Variants in ITPK1 observed in about 807,000 individuals in gnomAD.
ITPK1 encodes inositol-tetrakisphosphate 1-kinase.
Under a neutral mutation model 45.3 loss-of-function variants are expected in ITPK1, and 21 were observed. That is an observed-to-expected ratio of 0.46 (90% CI 0.33 to 0.67). ITPK1 has a LOEUF of 0.67. ITPK1 is among the 30% of genes least tolerant of loss of function. The probability of loss-of-function intolerance (pLI) is 0.02; values close to 1 mark genes in which losing one functional copy is unlikely to be tolerated. For missense variants in ITPK1, 474 were observed against 573.5 expected (o/e 0.83, Z 1.77); for synonymous variants, 258 against 253.6 (o/e 1.02, Z -0.16).
chr14:92,958,122 G>A lies in ITPK1; in HGVS notation c.670+79C>T, dbSNP rs1172495680. The A allele has an allele frequency of 1.6e-5, 23 of 1,433,576 alleles. 1 individual carries two copies. The highest frequency in any genetic ancestry group is 7.1e-5 in the South Asian group (6 of 85,032). The allele number at this position is 1,433,576 out of a possible 1,614,324, so 88.8% of individuals were successfully genotyped here. On this transcript the variant is annotated intron_variant, in intron 8 of 10. Coordinates refer to ENST00000267615, the MANE Select transcript of ITPK1 (RefSeq NM_014216.6). This position sits in a 1 kb window ranked among gnomAD's most constrained non-coding sequence, Gnocchi z 4.4. ...AACACAGGGTGGTTGGGGCAGTGCC[G>A]AAGGACAGACAGCTGCTGCCACATC...
Position 92,963,173 on chromosome 14 carries a change from G to A in ITPK1, c.365-324C>T, listed in dbSNP as rs112518764. 4.5e-3 allele frequency among the ~76,000 whole-genome samples: 679 copies of A among 152,268 alleles called. 10 individuals are homozygous for A. Among genetic ancestry groups the A allele is most frequent in the African/African-American group, 0.016 (648 of 41,540 alleles). ...CACCACTGTGGACTTTTACCCACGCGTACATTTACACGCAGAGAGCTGTAC... is the reference window on the plus strand; with the variant it reads ...CACCACTGTGGACTTTTACCCACGCATACATTTACACGCAGAGAGCTGTAC... On this transcript the variant is annotated intron_variant, in intron 5 of 10. Transcript: ENST00000267615.
chr14:93,088,473 G>A (rs1471998400), intron 2 of ITPK1, among the ~76,000 whole-genome samples: 1 of 150,962 alleles, frequency 6.6e-6, no homozygotes, highest in Non-Finnish European at 1.5e-5. Context: ...GGAGCTACTT[G>A]GCCACCCAAG....
chr14:93,035,072 G>A (rs750931525), intron 3 of ITPK1, among the ~76,000 whole-genome samples: 1 of 152,366 alleles, frequency 6.6e-6, no homozygotes, highest in Admixed American at 6.5e-5. Context: ...ACAACAGCCT[G>A]CTGTCCTCTG....
rs570566517 is a variant in ITPK1, at chr14:92,946,444, C to G, written c.788G>C (p.Arg263Pro). ...VFERPSDEVI[R>P]ELSRALRQAL... is the part of the protein sequence containing the mutation. ...CTGCCGCAGGGCCCGGGAGAGCTCCCGGATGACCTCGTCGCTCGGCCGCTC... is the reference window on the plus strand; with the variant it reads ...CTGCCGCAGGGCCCGGGAGAGCTCCGGGATGACCTCGTCGCTCGGCCGCTC... Residue 263 changes from arginine to proline, a missense_variant, in exon 10 of 11, where the codon CGG (arginine) becomes CCG (proline). Physicochemically the swap from Arg to Pro is moderately radical, Grantham distance 103 (BLOSUM62 -2). Around this residue, in one of 2 missense-constraint regions of ITPK1, gnomAD observed 367 missense variants for 480.6 expected, o/e 0.76. Transcript: ENST00000267615. 1.9e-6 allele frequency: 3 copies of G among 1,613,140 alleles called. No homozygotes were observed. The highest frequency in any genetic ancestry group is 2.5e-6 in the Non-Finnish European group (3 of 1,179,996).
At chr14:93,059,003 A>G (rs540146342) in intron 3 of ITPK1, among the ~76,000 whole-genome samples, 1 of 2,252 alleles carries the variant, frequency 4.4e-4, no homozygotes, top group Non-Finnish European at 7.3e-4. Flanking sequence ...GGCGGGGTGG[A>G]GGGGGTGCGG....
chr14:93,106,243 C>A (rs188078672), intron 2 of ITPK1, among the ~76,000 whole-genome samples: 32 of 146,122 alleles, frequency 2.2e-4, no homozygotes, highest in African/African-American at 7.6e-4. Flanking sequence ...ACCAGACCCA[C>A]GGGGAGCATT....
chr14:92,984,233 G>A (rs1219590334), intron 5 of ITPK1, among the ~76,000 whole-genome samples: 1 of 152,200 alleles, frequency 6.6e-6, no homozygotes, highest in Non-Finnish European at 1.5e-5. Flanking sequence ...CACTAATACA[G>A]GGAACTCAAG....
At chr14:93,112,947 C>T (rs1195632961) in intron 2 of ITPK1, among the ~76,000 whole-genome samples, 1 of 152,218 alleles carries the variant, frequency 6.6e-6, no homozygotes, top group Admixed American at 6.5e-5. Context: ...TGGTCACTGG[C>T]TCAACAGTTG....
At chr14:93,021,956 G>T (rs1888490833) in intron 3 of ITPK1, among the ~76,000 whole-genome samples, 1 of 152,226 alleles carries the variant, frequency 6.6e-6, no homozygotes, top group Non-Finnish European at 1.5e-5. Flanking sequence ...AACTCGTGAA[G>T]GCATAAGAGT....
chr14:93,081,012 CAATTTAAT>C (rs982293384), intron 2 of ITPK1, among the ~76,000 whole-genome samples: 2 of 149,842 alleles, frequency 1.3e-5, no homozygotes, highest in African/African-American at 4.9e-5. Flanking sequence ...ACCCAGCCTA[CAATTTAAT>C]AATTTTTAAG....
At chr14:93,010,499 A>G (rs1160581918) in intron 4 of ITPK1, among the ~76,000 whole-genome samples, 1 of 152,242 alleles carries the variant, frequency 6.6e-6, no homozygotes. Context: ...ACCGAGGCCC[A>G]GGTGGGCCAG....
chr14:93,009,380 C>T (rs61639835), intron 4 of ITPK1, among the ~76,000 whole-genome samples: 3,872 of 152,296 alleles, frequency 0.025, 174 homozygotes, highest in African/African-American at 0.089. Context: ...TGGCTCAGAG[C>T]GCAGGCTTTG....
rs952825829 is a variant in ITPK1 at position 92,938,583 on chromosome 14, G to A, written c.*2978C>T. 15 of 1,427,284 alleles carry A rather than the reference G, an allele frequency of 1.1e-5. No homozygotes were observed. Among genetic ancestry groups the A allele is most frequent in the Non-Finnish European group, 1.3e-5 (13 of 1,013,340 alleles). 88.4% of individuals were successfully genotyped at this position (1,427,284 alleles called of 1,614,324 possible). A position where few individuals can be genotyped will look rare whatever the true frequency, so the allele number is the denominator to read the frequency against. ...TGCTTTCTCCTTTATTGACAGGCAT[G>A]AGACACAGGCAGGCCCAGGCACAGG... On this transcript the variant is annotated 3_prime_UTR_variant, in exon 11 of 11. Transcript: ENST00000267615.
chr14:92,967,878 A>G (rs984762257), intron 5 of ITPK1, among the ~76,000 whole-genome samples: 4 of 152,168 alleles, frequency 2.6e-5, no homozygotes, highest in Admixed American at 6.5e-5. Flanking sequence ...ACAAAAAAAG[A>G]GATTAATGGT....
At position 93,115,140 on chromosome 14, in the gene ITPK1, C is replaced by A. The variant is rs1892888995; in HGVS notation, c.24G>T (p.Lys8Asn). 1.5e-5 allele frequency: 24 copies of A among 1,601,336 alleles called. No homozygotes were observed. The highest frequency in any genetic ancestry group is 2.0e-5 in the Non-Finnish European group (24 of 1,175,030). Residue 8 changes from lysine to asparagine, a missense_variant, in exon 2 of 11, where the codon AAG becomes AAT. Lys to Asn is a moderately conservative substitution (Grantham distance 94). Coordinates refer to ENST00000267615, the MANE Select transcript of ITPK1 (RefSeq NM_014216.6). MQTFLKG[K>N]RVGYWLSEKK... ...TCTCGCTCAGCCAGTAGCCAACTCT[C>A]TTCCCTTTCAGAAAGGTCTGCATCT...
intron 5 of ITPK1, among the ~76,000 whole-genome samples, chr14:92,976,715 C>T (rs922331927): frequency 7.9e-5 from 12 of 152,356 alleles, no homozygotes; most frequent in African/African-American, 2.4e-4. Flanking sequence ...TGCCATAGCA[C>T]GGATCACTAT....
chr14:93,051,047 C>T (rs780771960), intron 3 of ITPK1, among the ~76,000 whole-genome samples: 5 of 152,042 alleles, frequency 3.3e-5, no homozygotes, highest in Non-Finnish European at 5.9e-5. Context: ...GCACAGGGCC[C>T]GGCCTGCCTG....
Position 93,115,091 on chromosome 14 carries a change from G to A in ITPK1, c.73C>T (p.Gln25Ter), listed in dbSNP as rs200365441. 1 of 1,600,738 alleles carries A rather than the reference G, an allele frequency of 6.2e-7. No individual in the cohort carries two copies. The highest frequency in any genetic ancestry group is 8.5e-7 in the Non-Finnish European group (1 of 1,174,972). The change falls in exon 2 of 11, where the codon CAG (glutamine) becomes TAG (stop). Residue 25 changes from glutamine to a stop codon, truncating the protein, a stop_gained. Transcript: ENST00000267615. LOFTEE classifies it high-confidence loss of function. The part of the protein sequence containing the change: ...SEKKIKKLNF[Q>*]AFAELCRKRG... ...TACCTGCACAGCTCGGCGAAGGCCT[G>A]GAAATTCAGCTTCTTGATTTTCTTC...
intron 5 of ITPK1, among the ~76,000 whole-genome samples, chr14:92,967,974 T>C (rs562787854): frequency 2.0e-5 from 3 of 152,160 alleles, no homozygotes; most frequent in African/African-American, 7.2e-5. Flanking sequence ...CTAGAATTAG[T>C]AGTGATGACC....
Sources: allele counts gnomAD v4.1 joint callset (sites outside exome capture counted in the v4.1 genomes callset), GRCh38; gene constraint gnomAD v4.1.1; regional missense constraint gnomAD v4.1.1; non-coding constraint Gnocchi (gnomAD v3.1); transcripts MANE v1.5; gene names NCBI Gene and HGNC (gene_info 2026-07-23, HGNC 2026-07-21).